Variants in TMEM181 observed in about 807,000 individuals in gnomAD.
TMEM181 encodes the protein transmembrane protein 181.
A neutral mutation model predicts 71.9 loss-of-function variants in TMEM181; 39 were observed. That is an observed-to-expected ratio of 0.54 (90% CI 0.42 to 0.71). The LOEUF is 0.71. Ranked by LOEUF, TMEM181 falls within the 30% of genes least tolerant of loss-of-function variation. The pLI, the probability that TMEM181 is intolerant of heterozygous loss-of-function variation, is 0.00. For missense variants in TMEM181, 595 were observed against 583.0 expected, an observed-to-expected ratio of 1.02 and a Z score of -0.21; for synonymous variants, 245 against 228.8, an observed-to-expected ratio of 1.07 and a Z score of -0.64.
At chr6:158,570,104 G>C (rs1020418896) in intron 1 of TMEM181, among the ~76,000 whole-genome samples, 6 of 152,102 alleles carry the variant, frequency 3.9e-5, no homozygotes, top group Non-Finnish European at 8.8e-5. Context: ...TCTTGGGACT[G>C]TGGCTGCCCC....
intron 1 of TMEM181, among the ~76,000 whole-genome samples, chr6:158,562,284 A>AG (rs1782224382): frequency 6.6e-6 from 1 of 152,190 alleles, no homozygotes; most frequent in Admixed American, 6.5e-5. Context: ...TGATGATGCT[A>AG]GGGACGGGAG....
chr6:158,549,556 A>G lies in TMEM181; in HGVS notation c.131+12691A>G, dbSNP rs545664492. 8.5e-5 allele frequency among the ~76,000 whole-genome samples: 13 copies of G among 152,358 alleles called. No individual in the cohort carries two copies. The South Asian group carries it at 2.7e-3, about 32-fold the overall frequency. ...CAAGACTATGGTGGTGTCAGCCTAAATAACAAACAAGAGAGCGGCTCTCAA... is the reference window on the plus strand; with the variant it reads ...CAAGACTATGGTGGTGTCAGCCTAAGTAACAAACAAGAGAGCGGCTCTCAA... On this transcript the variant is annotated intron_variant, in intron 1 of 16. Coordinates refer to the TMEM181 transcript ENST00000367090.
chr6:158,563,136 C>T lies in TMEM181; in HGVS notation c.8+2904C>T, dbSNP rs148935794. 3.7e-3 allele frequency among the ~76,000 whole-genome samples: 560 copies of T among 152,224 alleles called. 3 individuals are homozygous for T. The highest frequency in any genetic ancestry group is 6.5e-3 in the Non-Finnish European group (441 of 68,000). On this transcript the variant is annotated intron_variant, in intron 1 of 16. Transcript: ENST00000684151. Reference sequence around the variant, plus strand: ...CCCTAGTTTCCTGAATTTTCAGAAACGGGATGTTTTGTTTGTTTGTATTTT... The same window carrying T: ...CCCTAGTTTCCTGAATTTTCAGAAATGGGATGTTTTGTTTGTTTGTATTTT...
chr6:158,571,488 C>A (rs542746432), intron 1 of TMEM181, among the ~76,000 whole-genome samples: 2 of 134,462 alleles, frequency 1.5e-5, no homozygotes, highest in Non-Finnish European at 1.6e-5. Context: ...TTAGTAGAGA[C>A]GGGGTTTCAT....
At chr6:158,610,412 C>T in intron 10 of TMEM181, 1 of 283,980 alleles carries the variant, frequency 3.5e-6, no homozygotes, top group South Asian at 7.5e-5. Flanking sequence ...AGAGAAGGAG[C>T]TGCTGTAAAT....
At position 158,631,405 on chromosome 6, in the gene TMEM181, T is replaced by C. The variant is rs765250610; in HGVS notation, c.1349+16T>C. On this transcript the variant is annotated intron_variant, in intron 16 of 16. Transcript: ENST00000684151. ...TGATTTATGGGTAAGTCCCTGTCCG[T>C]TAGAAGGCCGGCACACCTTGGGCAT... is the stretch of plus-strand genomic sequence containing the variant. The C allele has an allele frequency of 2.8e-5, 45 of 1,613,964 alleles. No individual in the cohort carries two copies. The highest frequency in any genetic ancestry group is 3.4e-6 in the Non-Finnish European group (4 of 1,179,926).
At chr6:158,538,842 TCCCAGAAGAGGAA>T in intron 1 of TMEM181, among the ~76,000 whole-genome samples, 2 of 152,000 alleles carry the variant, frequency 1.3e-5, no homozygotes, top group Non-Finnish European at 2.9e-5. Context: ...GGGAGGAAAC[TCCCAGAAGAGGAA>T]GGAGTATTGC....
At chr6:158,562,034 A>G (rs1259804868) in intron 1 of TMEM181, among the ~76,000 whole-genome samples, 1 of 152,212 alleles carries the variant, frequency 6.6e-6, no homozygotes, top group African/African-American at 2.4e-5. Flanking sequence ...AGAGAAGTCC[A>G]GGGAAAGAAT....
At chr6:158,563,330 G>A (rs1782293563) in intron 1 of TMEM181, among the ~76,000 whole-genome samples, 1 of 152,188 alleles carries the variant, frequency 6.6e-6, no homozygotes, top group Non-Finnish European at 1.5e-5. Flanking sequence ...TTTTAGTAGA[G>A]TCAGGGTTTC....
At chr6:158,543,276 T>A (rs969082943) in intron 1 of TMEM181, among the ~76,000 whole-genome samples, 7 of 152,204 alleles carry the variant, frequency 4.6e-5, no homozygotes, top group African/African-American at 1.7e-4. Context: ...TCCCATCTGT[T>A]CTTCCTGGTC....
intron 10 of TMEM181, chr6:158,609,751 G>T (rs752526371): frequency 3.8e-6 from 1 of 259,950 alleles, no homozygotes; most frequent in African/African-American, 2.3e-5. Context: ...AAGTGGCCAG[G>T]GTGTGGGAGA....
At chr6:158,616,339 C>G (rs1224173447) in intron 10 of TMEM181, among the ~76,000 whole-genome samples, 1 of 152,080 alleles carries the variant, frequency 6.6e-6, no homozygotes, top group Non-Finnish European at 1.5e-5. Flanking sequence ...GATTTTGTAT[C>G]CTGAGACTTT....
At chr6:158,618,237 C>G (rs930509937) in intron 10 of TMEM181, among the ~76,000 whole-genome samples, 1 of 152,168 alleles carries the variant, frequency 6.6e-6, no homozygotes. Flanking sequence ...ATGTAATGGC[C>G]TTCTTTGTCT....
At chr6:158,565,707 C>T (rs894871557) in intron 1 of TMEM181, among the ~76,000 whole-genome samples, 27 of 152,316 alleles carry the variant, frequency 1.8e-4, no homozygotes, top group African/African-American at 6.5e-4. Flanking sequence ...TCAGTGCTGG[C>T]CTCTGGGGGT....
At position 158,571,590 on chromosome 6, in the gene TMEM181, G is replaced by A. The variant is rs138711217; in HGVS notation, c.9-1830G>A. On this transcript the variant is annotated intron_variant, in intron 1 of 16. Coordinates refer to ENST00000684151, the MANE Select transcript of TMEM181 (RefSeq NM_001376852.1). ...TGGGATTATAGGCATGAGCCACCGC[G>A]CCCGGCCATCTGCAGTGTTAATAAC... Among the ~76,000 whole-genome samples, 32 of 152,240 alleles carry A rather than the reference G, an allele frequency of 2.1e-4. 1 individual carries two copies. The highest frequency in any genetic ancestry group is 1.3e-3 in the East Asian group (7 of 5,186).
intron 1 of TMEM181, among the ~76,000 whole-genome samples, chr6:158,561,920 A>G (rs1156575459): frequency 6.6e-6 from 1 of 152,156 alleles, no homozygotes; most frequent in Non-Finnish European, 1.5e-5. Flanking sequence ...CCTCCTAAAA[A>G]ACAAGCCTGA....
intron 1 of TMEM181, among the ~76,000 whole-genome samples, chr6:158,550,647 T>A (rs1178033049): frequency 2.0e-5 from 3 of 151,432 alleles, no homozygotes. Context: ...AGAGTGAGAC[T>A]CCGTCTCAAA....
chr6:158,618,449 T>C (rs1785749511), intron 10 of TMEM181, among the ~76,000 whole-genome samples: 1 of 152,228 alleles, frequency 6.6e-6, no homozygotes, highest in African/African-American at 2.4e-5. Context: ...TTTATCCAAT[T>C]TGCCAGTCTG....
chr6:158,626,689 GTC>G (rs890858619), intron 13 of TMEM181: 9 of 457,058 alleles, frequency 2.0e-5, no homozygotes, highest in Non-Finnish European at 3.5e-5. Context: ...TGTTGTATTA[GTC>G]TCTGTTCAGT....
Sources: allele counts gnomAD v4.1 joint callset (sites outside exome capture counted in the v4.1 genomes callset), GRCh38; gene constraint gnomAD v4.1.1; transcripts MANE v1.5; gene names NCBI Gene and HGNC (gene_info 2026-07-23, HGNC 2026-07-21).